UBTD1: variants seen among roughly 807,000 people sequenced by gnomAD.
The protein encoded by UBTD1 is ubiquitin domain-containing protein 1.
Under a neutral mutation model 21.7 loss-of-function variants are expected in UBTD1, and 19 were observed. The ratio of observed to expected loss-of-function variants is 0.87; its 90% CI spans 0.61 to 1.28. The LOEUF is 1.28. UBTD1 is among the 50% of genes most tolerant of loss of function. The pLI is 0.00. For missense variants in UBTD1, 282 were observed against 315.1 expected (o/e 0.89, Z 0.80); for synonymous variants, 116 against 135.1 (o/e 0.86, Z 0.98).
rs184673239 is a variant in UBTD1 at position 97,562,132 on chromosome 10, G to A, written c.71-5782G>A. 3.6e-3 allele frequency among the ~76,000 whole-genome samples: 553 copies of A among 152,254 alleles called. 8 individuals carry two copies. Among genetic ancestry groups the A allele is most frequent in the Middle Eastern group, 0.014 (4 of 294 alleles). On this transcript the variant is annotated intron_variant, in intron 1 of 2. Transcript: ENST00000370664. ...ATTAACATTAAAACGGTCCAGGCGT[G>A]GTGGCTCACGTCTGTAATCCTAGCA...
intron 1 of UBTD1, among the ~76,000 whole-genome samples, chr10:97,547,302 G>T (rs1477052660): frequency 6.6e-6 from 1 of 152,190 alleles, no homozygotes; most frequent in Non-Finnish European, 1.5e-5. Context: ...CCCCTTCCTG[G>T]AGTCCTGAGG....
intron 2 of UBTD1, among the ~76,000 whole-genome samples, chr10:97,568,876 T>C (rs1017003169): frequency 4.6e-5 from 7 of 151,816 alleles, no homozygotes; most frequent in African/African-American, 1.7e-4. Context: ...CAGGCTGGAA[T>C]GCAGTGGAGC....
intron 1 of UBTD1, among the ~76,000 whole-genome samples, chr10:97,523,145 C>T (rs2040473655): frequency 6.6e-6 from 1 of 152,316 alleles, no homozygotes; most frequent in East Asian, 1.9e-4. Context: ...ACATCAGAGC[C>T]TTAACCAGAT....
chr10:97,507,797 A>G (rs1235694787), intron 1 of UBTD1, among the ~76,000 whole-genome samples: 2 of 150,728 alleles, frequency 1.3e-5, no homozygotes, highest in Non-Finnish European at 3.0e-5. Flanking sequence ...AAAAAAAAAA[A>G]AAAGAGAGGA....
intron 1 of UBTD1, among the ~76,000 whole-genome samples, chr10:97,510,381 C>A (rs2040418780): frequency 6.6e-6 from 1 of 152,148 alleles, no homozygotes; most frequent in South Asian, 2.1e-4. Context: ...TACAAATTTG[C>A]ATTTTATTAT....
chr10:97,545,405 T>TGG (rs879755271), intron 1 of UBTD1, among the ~76,000 whole-genome samples: 4,141 of 86,988 alleles, frequency 0.048, 137 homozygotes, highest in East Asian at 0.12. Context: ...TGTGTGTGTG[T>TGG]GTGTGGGTGT....
chr10:97,519,561 G>A (rs191609748), intron 1 of UBTD1, among the ~76,000 whole-genome samples: 7 of 152,316 alleles, frequency 4.6e-5, no homozygotes, highest in Admixed American at 4.6e-4. Context: ...ATTGTCAACT[G>A]GGGAGAGAGA....
chr10:97,540,056 G>A (rs1365735895), intron 1 of UBTD1, among the ~76,000 whole-genome samples: 1 of 152,206 alleles, frequency 6.6e-6, no homozygotes, highest in Non-Finnish European at 1.5e-5. Flanking sequence ...CTGAGGAAGG[G>A]GGAGGGGCAT....
intron 1 of UBTD1, among the ~76,000 whole-genome samples, chr10:97,534,463 T>C (rs1379271162): frequency 1.3e-5 from 2 of 152,098 alleles, no homozygotes; most frequent in Non-Finnish European, 2.9e-5. Context: ...GGCTAAGCTT[T>C]CTCCACTTTG....
chr10:97,546,386 C>G (rs1268746730), intron 1 of UBTD1, among the ~76,000 whole-genome samples: 1 of 151,792 alleles, frequency 6.6e-6, no homozygotes, highest in African/African-American at 2.4e-5. Context: ...CTCAGGAGTT[C>G]GAGACCAGCC....
chr10:97,539,805 C>T, intron 1 of UBTD1, among the ~76,000 whole-genome samples: 1 of 152,130 alleles, frequency 6.6e-6, no homozygotes, highest in African/African-American at 2.4e-5. Flanking sequence ...GACAAGAGGC[C>T]CTGTCTCTCC....
At chr10:97,535,424 G>T (rs1006999346) in intron 1 of UBTD1, among the ~76,000 whole-genome samples, 22 of 152,090 alleles carry the variant, frequency 1.4e-4, no homozygotes, top group African/African-American at 3.9e-4. Flanking sequence ...GACCATCCTG[G>T]CTAACACAGT....
chr10:97,502,265 C>G (rs1011329740), intron 1 of UBTD1, among the ~76,000 whole-genome samples: 1 of 151,994 alleles, frequency 6.6e-6, no homozygotes, highest in African/African-American at 2.4e-5. Flanking sequence ...TCATAAAGTC[C>G]AAAGCCGAGG....
At chr10:97,563,386 C>T (rs898548491) in intron 1 of UBTD1, among the ~76,000 whole-genome samples, 3 of 152,010 alleles carry the variant, frequency 2.0e-5, no homozygotes, top group Non-Finnish European at 4.4e-5. Flanking sequence ...AAATCGAGGC[C>T]TCGTCAGTTT....
chr10:97,506,677 C>T (rs941377431), intron 1 of UBTD1, among the ~76,000 whole-genome samples: 1 of 152,138 alleles, frequency 6.6e-6, no homozygotes, highest in Admixed American at 6.5e-5. Context: ...TCTTCATCCC[C>T]CCAACCACTG....
In UBTD1 at chr10:97,570,626, G is replaced by C; in HGVS notation, c.*103G>C. Reference sequence around the variant, plus strand: ...ATTTTCTTCAGGGGCCCTCCCCTCGGTGTGGCTGGTGGGTGAGCCGTGAAG... The same window carrying C: ...ATTTTCTTCAGGGGCCCTCCCCTCGCTGTGGCTGGTGGGTGAGCCGTGAAG... On this transcript the variant is annotated 3_prime_UTR_variant, in exon 3 of 3. Transcript: ENST00000370664. The surrounding 1 kb of genome is among the most constrained non-coding windows in gnomAD (Gnocchi z 6.6). 1.4e-6 allele frequency: 2 copies of C among 1,403,336 alleles called. No homozygotes were observed. Among genetic ancestry groups the C allele is most frequent in the East Asian group, 2.3e-5 (1 of 42,928 alleles). 86.9% of individuals were successfully genotyped at this position (1,403,336 alleles called of 1,614,324 possible).
chr10:97,500,720 G>A (rs1178919282), intron 1 of UBTD1, among the ~76,000 whole-genome samples: 3 of 152,040 alleles, frequency 2.0e-5, no homozygotes, highest in Non-Finnish European at 2.9e-5. Context: ...TCTAGCTTGG[G>A]GGCACGCTGG....
chr10:97,509,663 C>A (rs1002278520), intron 1 of UBTD1, among the ~76,000 whole-genome samples: 1 of 152,082 alleles, frequency 6.6e-6, no homozygotes, highest in African/African-American at 2.4e-5. Flanking sequence ...TTTTTCCCCC[C>A]ACCCTGAGAC....
intron 1 of UBTD1, among the ~76,000 whole-genome samples, chr10:97,519,565 A>G (rs1360920347): frequency 1.3e-5 from 2 of 152,176 alleles, no homozygotes; most frequent in Non-Finnish European, 2.9e-5. Context: ...TCAACTGGGG[A>G]GAGAGAGGGA....
Sources: gnomAD v4.1 joint callset for allele counts (sites outside exome capture counted in the v4.1 genomes callset) on GRCh38, gnomAD v4.1.1 for gene constraint, Gnocchi (gnomAD v3.1) non-coding constraint, MANE v1.5 for transcripts, NCBI Gene and HGNC (gene_info 2026-07-23, HGNC 2026-07-21) for gene names.